The following NALF1 variants were observed in gnomAD, a reference collection of about 807,000 sequenced individuals.
NALF1 encodes NALCN channel auxiliary factor 1.
Under a neutral mutation model 48.4 loss-of-function variants are expected in NALF1, and 3 were observed. That is an observed-to-expected ratio of 0.06 (90% CI 0.03 to 0.16). The LOEUF is 0.16. NALF1 is among the 10% of genes least tolerant of loss of function. The pLI is 1.00. For missense variants in NALF1, 526 were observed against 571.5 expected (o/e 0.92, Z 0.81); for synonymous variants, 262 against 245.7 (o/e 1.07, Z -0.62).
At chr13:107,283,004 T>A (rs1881418422) in intron 1 of NALF1, among the ~76,000 whole-genome samples, 1 of 152,214 alleles carries the variant, frequency 6.6e-6, no homozygotes, top group Admixed American at 6.5e-5. Flanking sequence ...AAAACTTCAG[T>A]ATTCACTGGA....
intron 1 of NALF1, among the ~76,000 whole-genome samples, chr13:107,316,170 A>C (rs907161466): frequency 2.0e-5 from 3 of 151,914 alleles, no homozygotes; most frequent in African/African-American, 7.3e-5. Flanking sequence ...ACCTTGCGAT[A>C]GTTTGCTGAG....
At chr13:107,759,052 T>C (rs1212791080) in intron 1 of NALF1, among the ~76,000 whole-genome samples, 1 of 151,992 alleles carries the variant, frequency 6.6e-6, no homozygotes. Context: ...AAGGTGCTTG[T>C]AGATTTTGTA....
chr13:107,567,949 T>C (rs73593167), intron 1 of NALF1, among the ~76,000 whole-genome samples: 16,081 of 152,212 alleles, frequency 0.11, 1,134 homozygotes, highest in Admixed American at 0.18. Flanking sequence ...TATTTTTGTA[T>C]ACCAATGTTT....
intron 1 of NALF1, among the ~76,000 whole-genome samples, chr13:107,598,246 A>G (rs1029666276): frequency 1.3e-5 from 2 of 152,118 alleles, no homozygotes; most frequent in Non-Finnish European, 2.9e-5. Context: ...TTGAGCACCA[A>G]TCCCTCTTGG....
intron 1 of NALF1, among the ~76,000 whole-genome samples, chr13:107,443,499 G>A (rs1884600125): frequency 6.6e-6 from 1 of 152,184 alleles, no homozygotes; most frequent in Non-Finnish European, 1.5e-5. Context: ...TTACAGGCGT[G>A]AGCCACCATG....
intron 1 of NALF1, among the ~76,000 whole-genome samples, chr13:107,806,365 A>C (rs1031912262): frequency 4.6e-5 from 7 of 152,180 alleles, no homozygotes; most frequent in African/African-American, 1.7e-4. Context: ...ATTCTAGATC[A>C]AATTAAAGAA....
chr13:107,263,633 A>ATT (rs1470793609), intron 1 of NALF1, among the ~76,000 whole-genome samples: 1 of 152,062 alleles, frequency 6.6e-6, no homozygotes, highest in African/African-American at 2.4e-5. Context: ...TTTGGTTCTC[A>ATT]TTCTCTCTTT....
At chr13:107,484,733 G>A (rs2139063950) in intron 1 of NALF1, among the ~76,000 whole-genome samples, 1 of 152,270 alleles carries the variant, frequency 6.6e-6, no homozygotes, top group East Asian at 1.9e-4. Flanking sequence ...TATTTGTACA[G>A]AGTTCTACAT....
intron 1 of NALF1, among the ~76,000 whole-genome samples, chr13:107,657,458 G>GTGTGTGGATGCATTCATACA (rs1224862636): frequency 1.3e-5 from 2 of 152,158 alleles, no homozygotes; most frequent in African/African-American, 2.4e-5. Context: ...GTCTTTCTGT[G>GTGTGTGGATGCATTCATACA]TGTGTGGATG....
intron 1 of NALF1, among the ~76,000 whole-genome samples, chr13:107,304,714 A>G (rs1881903035): frequency 6.6e-6 from 1 of 152,246 alleles, no homozygotes; most frequent in South Asian, 2.1e-4. Flanking sequence ...GTACATCCAC[A>G]AGATCTTGGT....
chr13:107,744,479 G>T (rs1876727974), intron 1 of NALF1, among the ~76,000 whole-genome samples: 2 of 152,328 alleles, frequency 1.3e-5, no homozygotes, highest in South Asian at 4.1e-4. Context: ...TGACCAATTG[G>T]AAGATGTATG....
Position 107,347,471 on chromosome 13 carries a change from G to A in NALF1, c.916-136716C>T, listed in dbSNP as rs148157521. Reference sequence around the variant, plus strand: ...TGCTTTGAGTTATGAAAAAAGGTACGTAGAATAGTCCATGTAATTATCACA... The same window carrying A: ...TGCTTTGAGTTATGAAAAAAGGTACATAGAATAGTCCATGTAATTATCACA... On this transcript the variant is annotated intron_variant, in intron 1 of 2. Transcript: ENST00000375915. Among the ~76,000 whole-genome samples the A allele has an allele frequency of 1.8e-4, 27 of 152,266 alleles. 1 individual carries two copies. Among genetic ancestry groups the A allele is most frequent in the African/African-American group, 1.9e-4 (8 of 41,566 alleles).
intron 1 of NALF1, among the ~76,000 whole-genome samples, chr13:107,640,537 A>G (rs900645815): frequency 1.3e-5 from 2 of 152,324 alleles, no homozygotes; most frequent in South Asian, 2.1e-4. Flanking sequence ...GTTTTACTAT[A>G]TAAGATTTGG....
chr13:107,839,137 A>G (rs1353325103), intron 1 of NALF1, among the ~76,000 whole-genome samples: 1 of 151,974 alleles, frequency 6.6e-6, no homozygotes, highest in African/African-American at 2.4e-5. Context: ...TAACAAGACT[A>G]GGGGTAAGGG....
At chr13:107,832,606 T>C (rs1359496938) in intron 1 of NALF1, among the ~76,000 whole-genome samples, 1 of 152,138 alleles carries the variant, frequency 6.6e-6, no homozygotes, top group Non-Finnish European at 1.5e-5. Flanking sequence ...GCTGCTCACT[T>C]GCCTACATTG....
At chr13:107,491,722 C>A (rs1400510482) in intron 1 of NALF1, among the ~76,000 whole-genome samples, 2 of 152,140 alleles carry the variant, frequency 1.3e-5, no homozygotes, top group East Asian at 3.9e-4. Context: ...TACCTTTGCC[C>A]TCCACCAACA....
At chr13:107,788,938 T>C (rs1267104269) in intron 1 of NALF1, 1 of 152,110 alleles carries the variant, frequency 6.6e-6, no homozygotes, top group Non-Finnish European at 1.5e-5. Context: ...AAAGCAAATA[T>C]GGTTAACCTA....
At position 107,812,576 on chromosome 13, in the gene NALF1, A is replaced by C. The variant is rs143993957; in HGVS notation, c.915+53106T>G. On this transcript the variant is annotated intron_variant, in intron 1 of 2. Coordinates refer to ENST00000375915, the MANE Select transcript of NALF1 (RefSeq NM_001080396.3). The stretch of plus-strand genomic sequence containing the variant: ...TTCAAACTTCTCTGTATTGATGTAC[A>C]TTTTAACCCATAGATTTATACAGAA... 4.5e-4 allele frequency among the ~76,000 whole-genome samples: 68 copies of C among 152,304 alleles called. 1 individual carries two copies. In the East Asian group the frequency reaches 0.011, roughly 24 times the overall value.
chr13:107,580,583 C>T (rs942232491), intron 1 of NALF1, among the ~76,000 whole-genome samples: 4 of 152,148 alleles, frequency 2.6e-5, no homozygotes, highest in African/African-American at 7.2e-5. Context: ...ATATTATTTT[C>T]GGTATGTCAG....
Sources: allele counts gnomAD v4.1 joint callset (sites outside exome capture counted in the v4.1 genomes callset), GRCh38; gene constraint gnomAD v4.1.1; transcripts MANE v1.5; gene names NCBI Gene and HGNC (gene_info 2026-07-23, HGNC 2026-07-21).